UGGT1: variants seen among roughly 807,000 people sequenced by gnomAD.
The protein encoded by UGGT1 is UDP-glucose:glycoprotein glucosyltransferase 1.
In UGGT1, 107 loss-of-function variants were observed where a neutral mutation model predicts 203.9. That is an observed-to-expected ratio of 0.52 (90% CI 0.45 to 0.62). UGGT1 has a LOEUF of 0.62. Among genes scored for constraint, UGGT1 ranks in the 20% least tolerant of loss-of-function variants. UGGT1 has a pLI of 0.00. For synonymous variants in UGGT1, 628 were observed against 653.5 expected, an observed-to-expected ratio of 0.96 and a Z score of 0.59; for missense variants, 1,673 against 1,867.2, an observed-to-expected ratio of 0.90 and a Z score of 1.92.
At chr2:128,180,478 A>C (rs528749856) in intron 35 of UGGT1, among the ~76,000 whole-genome samples, 1 of 152,386 alleles carries the variant, frequency 6.6e-6, no homozygotes, top group African/African-American at 2.4e-5. Context: ...AAAGGACAAC[A>C]CATTTGTCCA....
At chr2:128,125,741 TG>T (rs1405761629) in intron 11 of UGGT1, among the ~76,000 whole-genome samples, 8 of 152,140 alleles carry the variant, frequency 5.3e-5, no homozygotes, top group Non-Finnish European at 1.0e-4. Context: ...GATAAATAAA[TG>T]TTTCTCAAAT....
intron 16 of UGGT1, among the ~76,000 whole-genome samples, 177 bp from the exon 17 acceptor site, chr2:128,142,917 G>T (rs1689508029): frequency 6.7e-6 from 1 of 149,314 alleles, no homozygotes; most frequent in African/African-American, 2.5e-5. Flanking sequence ...GAAGGCGGAG[G>T]TTCAGTGAGC....
intron 16 of UGGT1, 84 bp downstream of exon 16, chr2:128,138,936 A>G: frequency 2.6e-6 from 4 of 1,558,582 alleles, no homozygotes; most frequent in Non-Finnish European, 3.5e-6. Context: ...TATGCTAGGC[A>G]GCTGGGGTGT....
chr2:128,165,408 CAG>C (rs755086512), intron 26 of UGGT1, among the ~76,000 whole-genome samples: 2 of 152,100 alleles, frequency 1.3e-5, no homozygotes, highest in African/African-American at 4.8e-5. Context: ...AAAAATTAAA[CAG>C]AGATTGGCTG....
At chr2:128,116,962 T>G (rs2105378140) in intron 8 of UGGT1, among the ~76,000 whole-genome samples, 1 of 152,378 alleles carries the variant, frequency 6.6e-6, no homozygotes, top group African/African-American at 2.4e-5. Context: ...TTGTTTCACT[T>G]AATATTTTCC....
chr2:128,154,064 C>CACACAG (rs1690112475), intron 19 of UGGT1, among the ~76,000 whole-genome samples: 1 of 138,272 alleles, frequency 7.2e-6, no homozygotes, highest in Non-Finnish European at 1.6e-5. Context: ...TATATATACA[C>CACACAG]ACACACACAC....
At chr2:128,186,433 C>T (rs185172618) in intron 38 of UGGT1, among the ~76,000 whole-genome samples, 355 of 152,172 alleles carry the variant, frequency 2.3e-3, no homozygotes, top group Middle Eastern at 0.01. Flanking sequence ...CATGGCAAAA[C>T]GCATCTCTAG....
intron 26 of UGGT1, among the ~76,000 whole-genome samples, chr2:128,166,656 C>A (rs898988373): frequency 3.3e-5 from 5 of 152,036 alleles, no homozygotes; most frequent in African/African-American, 1.2e-4. Flanking sequence ...TTTTAAGAGT[C>A]CAGGACAGTT....
chr2:128,134,791 T>C (rs1689053529), intron 14 of UGGT1, 85 bp from the exon 15 acceptor site: 1 of 1,240,896 alleles, frequency 8.1e-7, no homozygotes, highest in South Asian at 1.2e-5. Context: ...GTTGGCTTCA[T>C]GTACAGTGAC....
At chr2:128,175,982 G>A (rs537350590) in intron 31 of UGGT1, among the ~76,000 whole-genome samples, 23 of 152,240 alleles carry the variant, frequency 1.5e-4, no homozygotes, top group Non-Finnish European at 2.8e-4. Context: ...GCTCCTGTCT[G>A]CCTGCAAATA....
chr2:128,123,805 C>T (rs958222379), intron 11 of UGGT1, among the ~76,000 whole-genome samples: 1 of 152,130 alleles, frequency 6.6e-6, no homozygotes, highest in African/African-American at 2.4e-5. Context: ...CTTTAACCTC[C>T]TTTGTTGGAT....
intron 37 of UGGT1, 49 bp downstream of exon 37, chr2:128,182,339 T>C (rs375474898): frequency 8.6e-5 from 134 of 1,552,936 alleles, no homozygotes; most frequent in Admixed American, 4.0e-4. Flanking sequence ...TTCCTTAAAA[T>C]TGATTTTGTG....
intron 11 of UGGT1, among the ~76,000 whole-genome samples, chr2:128,125,788 A>G (rs1433079805): frequency 1.3e-5 from 2 of 152,014 alleles, no homozygotes; most frequent in Non-Finnish European, 2.9e-5. Flanking sequence ...GGGAGTTTTT[A>G]TTTACTTTTT....
intron 4 of UGGT1, 131 bp downstream of exon 4, chr2:128,108,199 AT>A: frequency 8.4e-7 from 1 of 1,195,292 alleles, no homozygotes; most frequent in Non-Finnish European, 1.1e-6. Flanking sequence ...AGGATTTATG[AT>A]TTTTAAAAAA....
intron 20 of UGGT1, among the ~76,000 whole-genome samples, chr2:128,155,812 G>A (rs1690200800): frequency 6.6e-6 from 1 of 151,852 alleles, no homozygotes. Context: ...CATAAATTTT[G>A]TATTACCTGT....
intron 22 of UGGT1, 32 bp downstream of exon 22, chr2:128,157,378 G>C (rs752421146): frequency 1.3e-6 from 2 of 1,583,470 alleles, no homozygotes; most frequent in East Asian, 2.2e-5. Context: ...TTATATTTTT[G>C]TTTGTGGCTG....
Position 128,193,271 on chromosome 2 carries a change from TAA to T in UGGT1, c.*3530_*3531del, listed in dbSNP as rs968327479. ...CCTTAAGCCCTCGTGGGTTTTTTTT[TAA>T]GAGAGTCTCATTCTGTCACCCAGGC... On this transcript the variant is annotated 3_prime_UTR_variant, in exon 41 of 41. Transcript: ENST00000259253. 20 of 151,322 alleles carry T rather than the reference TAA, an allele frequency of 1.3e-4. No homozygotes were observed. Among genetic ancestry groups the T allele is most frequent in the African/African-American group, 4.9e-4 (20 of 41,184 alleles). The allele number at this position is 151,322 out of a possible 1,614,324, so 9.4% of individuals were successfully genotyped here. A position where few individuals can be genotyped will look rare whatever the true frequency, so the allele number is the denominator to read the frequency against.
At chr2:128,100,807 C>T (rs1271768296) in intron 2 of UGGT1, among the ~76,000 whole-genome samples, 1 of 152,140 alleles carries the variant, frequency 6.6e-6, no homozygotes, top group Non-Finnish European at 1.5e-5. Context: ...CATTCTTGAT[C>T]ATTGTCCTAG....
chr2:128,116,391 C>T (rs1688102689), intron 8 of UGGT1, 48 bp downstream of exon 8: 3 of 1,218,400 alleles, frequency 2.5e-6, no homozygotes, highest in Non-Finnish European at 3.6e-6. Flanking sequence ...TTTCTTTAAG[C>T]CTCCAGGCTT....
Sources: allele counts gnomAD v4.1 joint callset (sites outside exome capture counted in the v4.1 genomes callset), GRCh38; gene constraint gnomAD v4.1.1; transcripts MANE v1.5; gene names NCBI Gene and HGNC (gene_info 2026-07-23, HGNC 2026-07-21).